Variants in LRRIQ3 observed in about 807,000 individuals in gnomAD.
LRRIQ3 encodes leucine rich repeats and IQ motif containing 3, also known as leucine-rich repeat and IQ domain-containing protein 3.
A neutral mutation model predicts 59.3 loss-of-function variants in LRRIQ3; 75 were observed. The ratio of observed to expected loss-of-function variants is 1.26; its 90% CI spans 1.05 to 1.53. The LOEUF (loss-of-function observed/expected upper bound fraction) is 1.53. Among genes scored for constraint, LRRIQ3 ranks in the 40% most tolerant of loss-of-function variants. The pLI is 0.00. For synonymous variants in LRRIQ3, 250 were observed against 231.3 expected (o/e 1.08, Z -0.73); for missense variants, 831 against 710.0 (o/e 1.17, Z -1.94).
intron 4 of LRRIQ3, among the ~76,000 whole-genome samples, chr1:74,116,374 A>G (rs553756941): frequency 1.3e-5 from 2 of 152,010 alleles, no homozygotes; most frequent in African/African-American, 2.4e-5. Flanking sequence ...AAACCAATAT[A>G]AGGGTCTATT....
At chr1:74,052,151 T>C (rs148554051) in intron 6 of LRRIQ3, among the ~76,000 whole-genome samples, 3 of 152,270 alleles carry the variant, frequency 2.0e-5, no homozygotes, top group Admixed American at 1.3e-4. Flanking sequence ...CTTGATATCT[T>C]AGGCCCAAAT....
chr1:74,096,988 G>A (rs1036490130), intron 5 of LRRIQ3, among the ~76,000 whole-genome samples: 3 of 152,106 alleles, frequency 2.0e-5, no homozygotes, highest in South Asian at 2.1e-4. Context: ...TAGGCTACTC[G>A]GGGGTCAGGG....
chr1:74,093,722 T>C (rs180990618), intron 5 of LRRIQ3, among the ~76,000 whole-genome samples: 1 of 152,190 alleles, frequency 6.6e-6, no homozygotes, highest in African/African-American at 2.4e-5. Flanking sequence ...TTTCCACTCA[T>C]TCATGGTCTA....
At chr1:74,135,896 A>G (rs1322913155) in intron 4 of LRRIQ3, among the ~76,000 whole-genome samples, 2 of 151,960 alleles carry the variant, frequency 1.3e-5, no homozygotes, top group East Asian at 3.9e-4. Context: ...AATAAATATG[A>G]GAGAGGAAAT....
chr1:74,041,862 G>A lies in LRRIQ3; in HGVS notation c.1069C>T (p.Pro357Ser). ...TTCAATGAACCTGAAGTGTATATGG[G>A]TAGTTTGAAAACTGATATCCTAAAA... ...TSFRISVFKLPIYTSGSLKNN... is the reference protein window; with the variant it reads ...TSFRISVFKLSIYTSGSLKNN... Residue 357 changes from proline to serine, a missense_variant, in exon 7 of 8, where the codon CCC becomes TCC. Coordinates refer to ENST00000354431, the MANE Select transcript of LRRIQ3 (RefSeq NM_001105659.2). 6.2e-7 allele frequency: 1 copy of A among 1,612,336 alleles called. No homozygotes were observed. The highest frequency in any genetic ancestry group is 1.1e-5 in the South Asian group (1 of 90,810).
intron 3 of LRRIQ3, among the ~76,000 whole-genome samples, chr1:74,170,348 G>A (rs1453259954): frequency 6.6e-6 from 1 of 152,054 alleles, no homozygotes. Flanking sequence ...TGAGTATAGT[G>A]TAAGACAAAG....
intron 5 of LRRIQ3, among the ~76,000 whole-genome samples, chr1:74,102,573 AG>A (rs1381006230): frequency 6.6e-6 from 1 of 152,164 alleles, no homozygotes; most frequent in South Asian, 2.1e-4. Context: ...GGTTCTTCAA[AG>A]AATTAAAATT....
intron 6 of LRRIQ3, among the ~76,000 whole-genome samples, chr1:74,071,034 C>T (rs541725845): frequency 0.033 from 4,831 of 145,594 alleles, 287 homozygotes; most frequent in African/African-American, 0.12. Flanking sequence ...TATATATATA[C>T]ACACACACAC....
At chr1:74,189,623 G>A (rs1455304116) in intron 1 of LRRIQ3, among the ~76,000 whole-genome samples, 1 of 152,146 alleles carries the variant, frequency 6.6e-6, no homozygotes, top group East Asian at 1.9e-4. Flanking sequence ...TGCTGTGGGA[G>A]AGACCCAGTG....
intron 6 of LRRIQ3, among the ~76,000 whole-genome samples, chr1:74,071,399 C>T (rs1390914737): frequency 2.0e-5 from 3 of 152,082 alleles, no homozygotes; most frequent in South Asian, 4.1e-4. Flanking sequence ...CAATAAACTA[C>T]ACAACCCTCT....
At chr1:74,029,045 G>T (rs1309548994) in intron 7 of LRRIQ3, among the ~76,000 whole-genome samples, 1 of 152,072 alleles carries the variant, frequency 6.6e-6, no homozygotes, top group African/African-American at 2.4e-5. Context: ...AAGTCTTAAA[G>T]ATTTTTGCAC....
At position 74,043,645 on chromosome 1, in the gene LRRIQ3, CTT is replaced by C. The variant is rs1344745029; in HGVS notation, c.998-1714_998-1713del. On this transcript the variant is annotated intron_variant, in intron 6 of 7. Transcript: ENST00000354431. ...TTGGTTGAACATAGTCCCATTAACA[CTT>C]TTAAAAGTCTCCTAATTTCTTTCTC... 2.0e-5 allele frequency among the ~76,000 whole-genome samples: 3 copies of C among 152,108 alleles called. No individual in the cohort carries two copies. The East Asian group carries it at 5.8e-4, about 29-fold the overall frequency.
At chr1:74,110,965 C>T (rs890459313) in intron 4 of LRRIQ3, among the ~76,000 whole-genome samples, 2 of 151,828 alleles carry the variant, frequency 1.3e-5, no homozygotes, top group African/African-American at 2.4e-5. Flanking sequence ...AATAAGGAAA[C>T]GTGAAAACAA....
At chr1:74,131,701 A>T (rs566869526) in intron 4 of LRRIQ3, among the ~76,000 whole-genome samples, 1 of 152,296 alleles carries the variant, frequency 6.6e-6, no homozygotes, top group East Asian at 1.9e-4. Flanking sequence ...ACTCTCAATA[A>T]ATTAGGTATT....
chr1:74,110,503 C>G (rs900566548), intron 4 of LRRIQ3, among the ~76,000 whole-genome samples: 1 of 151,958 alleles, frequency 6.6e-6, no homozygotes, highest in East Asian at 1.9e-4. Flanking sequence ...ATAGAAAAAT[C>G]TTTGTAAAAC....
chr1:74,180,755 A>G lies in LRRIQ3; in HGVS notation c.573+1783T>C, dbSNP rs1649928012. Reference sequence around the variant, plus strand: ...AATATTGGGTAAGTTCCTAAACCTCACTATGCTTCATTTTCTCCTGTAAAA... The same window carrying G: ...AATATTGGGTAAGTTCCTAAACCTCGCTATGCTTCATTTTCTCCTGTAAAA... On this transcript the variant is annotated intron_variant, in intron 3 of 7. Coordinates refer to ENST00000354431, the MANE Select transcript of LRRIQ3 (RefSeq NM_001105659.2). 3.9e-6 allele frequency: 6 copies of G among 1,550,224 alleles called. No individual in the cohort carries two copies. In the Admixed American group the frequency reaches 5.9e-5, roughly 15 times the overall value.
At position 74,144,477 on chromosome 1, in the gene LRRIQ3, AT is replaced by A. The variant is rs754623918; in HGVS notation, c.707+11255del. ...TATCAACTTAAAAATTAGAAAAAAA[AT>A]GTTTTTTTTTTCTCGCTTTCTTGGA... On this transcript the variant is annotated intron_variant, in intron 4 of 7. Coordinates refer to ENST00000354431, the MANE Select transcript of LRRIQ3 (RefSeq NM_001105659.2). 23 of 349,362 alleles carry A rather than the reference AT, an allele frequency of 6.6e-5. 1 individual carries two copies. The highest frequency in any genetic ancestry group is 4.7e-4 in the South Asian group (20 of 42,542). The allele number at this position is 349,362 out of a possible 1,614,324, so 21.6% of individuals were successfully genotyped here. A position where few individuals can be genotyped will look rare whatever the true frequency, so the allele number is the denominator to read the frequency against.
At chr1:74,044,624 A>G (rs570157745) in intron 6 of LRRIQ3, among the ~76,000 whole-genome samples, 1 of 152,264 alleles carries the variant, frequency 6.6e-6, no homozygotes, top group South Asian at 2.1e-4. Flanking sequence ...TCAAAGCAGA[A>G]CTGAAGGAGA....
chr1:74,056,894 C>T (rs1654552249), intron 6 of LRRIQ3, among the ~76,000 whole-genome samples: 1 of 152,078 alleles, frequency 6.6e-6, no homozygotes, highest in Non-Finnish European at 1.5e-5. Flanking sequence ...TTCTCCCATG[C>T]TGTTCTCATG....
Sources: gnomAD v4.1 joint callset for allele counts (sites outside exome capture counted in the v4.1 genomes callset) on GRCh38, gnomAD v4.1.1 for gene constraint, MANE v1.5 for transcripts, NCBI Gene and HGNC (gene_info 2026-07-23, HGNC 2026-07-21) for gene names.